Variants in TRIM44 observed in about 807,000 individuals in gnomAD.
TRIM44 encodes the protein tripartite motif containing 44.
In TRIM44, 13 loss-of-function variants were observed where a neutral mutation model predicts 37.4. The ratio of observed to expected loss-of-function variants is 0.35; its 90% CI spans 0.23 to 0.55. The LOEUF (loss-of-function observed/expected upper bound fraction) is 0.55, where lower values mean the gene tolerates loss of function less well. Among genes scored for constraint, TRIM44 ranks in the 20% least tolerant of loss-of-function variants. The pLI, the probability that TRIM44 is intolerant of heterozygous loss-of-function variation, is 0.89. For missense variants in TRIM44, 426 were observed against 437.2 expected, an observed-to-expected ratio of 0.97 and a Z score of 0.23; for synonymous variants, 175 against 157.2, an observed-to-expected ratio of 1.11 and a Z score of -0.85.
intron 4 of TRIM44, among the ~76,000 whole-genome samples, chr11:35,764,868 T>C (rs1406282545): frequency 2.0e-5 from 3 of 152,146 alleles, no homozygotes; most frequent in Non-Finnish European, 4.4e-5. Context: ...GACTTCTCAG[T>C]ATTAAATTTA....
intron 2 of TRIM44, among the ~76,000 whole-genome samples, chr11:35,704,625 G>T (rs1590524154): frequency 2.0e-5 from 3 of 152,300 alleles, no homozygotes; most frequent in Non-Finnish European, 1.5e-5. Context: ...TTAAAGAAAA[G>T]AATTTTCAAT....
At position 35,663,286 on chromosome 11, in the gene TRIM44, G is replaced by A; in HGVS notation, c.175G>A (p.Glu59Lys). The A allele has an allele frequency of 1.2e-6, 2 of 1,614,060 alleles. No homozygotes were observed. The highest frequency in any genetic ancestry group is 1.1e-5 in the South Asian group (1 of 91,072). Residue 59 changes from glutamate (E) to lysine (K), a missense_variant, in exon 1 of 5, where the codon GAA becomes AAA. By Grantham distance (56) the Glu-to-Lys change is moderately conservative. This residue lies in a region of TRIM44 where 331 missense variants were observed against 303.0 expected (regional missense o/e 1.09). Coordinates refer to ENST00000299413, the MANE Select transcript of TRIM44 (RefSeq NM_017583.6). Reference protein sequence around the residue: ...RQKFLSHHLAEYVHGSQAWTP... With the variant: ...RQKFLSHHLAKYVHGSQAWTP... The stretch of plus-strand genomic sequence containing the variant: ...GAAGTTCCTCAGTCACCATCTGGCC[G>A]AATACGTCCACGGCTCCCAGGCCTG...
At chr11:35,691,215 C>G (rs186526983) in intron 2 of TRIM44, among the ~76,000 whole-genome samples, 78 of 152,304 alleles carry the variant, frequency 5.1e-4, no homozygotes, top group Non-Finnish European at 8.5e-4. Flanking sequence ...GTGAAGGACA[C>G]TAAATGGGAA....
intron 1 of TRIM44, among the ~76,000 whole-genome samples, chr11:35,677,452 C>T (rs1245889477): frequency 6.6e-6 from 1 of 151,630 alleles, no homozygotes; most frequent in East Asian, 1.9e-4. Flanking sequence ...TTCTCTAGGT[C>T]AATACCTGAT....
intron 4 of TRIM44, among the ~76,000 whole-genome samples, chr11:35,792,371 T>G (rs2938188): frequency 0.29 from 44,619 of 152,108 alleles, 6,957 homozygotes; most frequent in Admixed American, 0.41. Flanking sequence ...GCCTAGATGT[T>G]AAATAGCTTT....
intron 4 of TRIM44, among the ~76,000 whole-genome samples, chr11:35,752,759 C>A (rs1036067028): frequency 6.6e-6 from 1 of 152,182 alleles, no homozygotes; most frequent in African/African-American, 2.4e-5. Flanking sequence ...TCATGTTCCC[C>A]TCTGCAGGAA....
rs569952939 is a variant in TRIM44, at chr11:35,718,711, C to G, written c.748-7213C>G. On this transcript the variant is annotated intron_variant, in intron 2 of 4. Coordinates refer to ENST00000299413, the MANE Select transcript of TRIM44 (RefSeq NM_017583.6). ...CACTGCCCTAAAAATCCTCTGTGCT[C>G]TGCCTTTTTATTTTCCCTTCCTCCA... Among the ~76,000 whole-genome samples, 28 of 152,180 alleles carry G rather than the reference C, an allele frequency of 1.8e-4. No individual in the cohort carries two copies. In the South Asian group the frequency reaches 4.1e-3, roughly 23 times the overall value.
At chr11:35,769,490 G>A (rs1852839124) in intron 4 of TRIM44, among the ~76,000 whole-genome samples, 1 of 152,148 alleles carries the variant, frequency 6.6e-6, no homozygotes, top group South Asian at 2.1e-4. Flanking sequence ...CCAGCATTCT[G>A]ATGTGCATGT....
At chr11:35,738,974 G>A (rs1274370053) in intron 4 of TRIM44, among the ~76,000 whole-genome samples, 3 of 152,192 alleles carry the variant, frequency 2.0e-5, no homozygotes, top group Non-Finnish European at 4.4e-5. Flanking sequence ...CCTGTCCTAT[G>A]GAAACATATT....
chr11:35,750,540 T>A (rs1447899588), intron 4 of TRIM44, among the ~76,000 whole-genome samples: 3 of 152,220 alleles, frequency 2.0e-5, no homozygotes, highest in Admixed American at 6.5e-5. Flanking sequence ...AGCCTTGTGA[T>A]AATGAAATAT....
chr11:35,665,546 T>C (rs929590447), intron 1 of TRIM44, among the ~76,000 whole-genome samples: 3 of 151,836 alleles, frequency 2.0e-5, no homozygotes, highest in African/African-American at 7.3e-5. Flanking sequence ...CATTTTTCTA[T>C]TGAGTTGTCT....
At position 35,671,360 on chromosome 11, in the gene TRIM44, T is replaced by C. The variant is rs141683672; in HGVS notation, c.669+7580T>C. Among the ~76,000 whole-genome samples the C allele has an allele frequency of 1.8e-4, 27 of 152,332 alleles. No individual in the cohort carries two copies. In the East Asian group the frequency reaches 5.2e-3, roughly 29 times the overall value. ...TGCATTTCTAAAATGGGCATAATGA[T>C]AAGAAATAAAATAGAACTTTTGTGA... On this transcript the variant is annotated intron_variant, in intron 1 of 4. Transcript: ENST00000299413.
intron 4 of TRIM44, among the ~76,000 whole-genome samples, chr11:35,767,778 T>G (rs559129782): frequency 6.6e-6 from 1 of 152,318 alleles, no homozygotes; most frequent in South Asian, 2.1e-4. Context: ...TTAACCTCTG[T>G]GAACTTTTCA....
chr11:35,767,154 G>A (rs1852808589), intron 4 of TRIM44, among the ~76,000 whole-genome samples: 1 of 152,166 alleles, frequency 6.6e-6, no homozygotes, highest in African/African-American at 2.4e-5. Flanking sequence ...CAATGTGTGT[G>A]TGTCAGTATG....
intron 4 of TRIM44, among the ~76,000 whole-genome samples, chr11:35,797,188 A>G (rs1853304288): frequency 1.3e-5 from 2 of 152,232 alleles, no homozygotes; most frequent in South Asian, 4.1e-4. Flanking sequence ...AATGGAACAT[A>G]GGACCCAACT....
At chr11:35,725,058 G>T (rs1038284303) in intron 2 of TRIM44, among the ~76,000 whole-genome samples, 3 of 107,304 alleles carry the variant, frequency 2.8e-5, no homozygotes, top group African/African-American at 4.8e-5. Context: ...TAGGAGACAT[G>T]CACACACTCA....
intron 2 of TRIM44, among the ~76,000 whole-genome samples, chr11:35,709,803 C>T (rs1008054026): frequency 6.6e-6 from 1 of 152,220 alleles, no homozygotes; most frequent in Non-Finnish European, 1.5e-5. Context: ...TCAGACCCCA[C>T]TTCTGACACC....
chr11:35,674,543 TTTAG>T (rs1051672946), intron 1 of TRIM44, among the ~76,000 whole-genome samples: 11 of 152,280 alleles, frequency 7.2e-5, no homozygotes, highest in African/African-American at 2.2e-4. Context: ...TTCAGATGGG[TTTAG>T]TTAGTTTTTG....
chr11:35,800,722 A>G (rs998732506), intron 4 of TRIM44, among the ~76,000 whole-genome samples: 8 of 152,162 alleles, frequency 5.3e-5, no homozygotes, highest in Non-Finnish European at 1.0e-4. Context: ...TGGTGATGGG[A>G]TAGAGAGGGG....
Sources: gnomAD v4.1 joint callset for allele counts (sites outside exome capture counted in the v4.1 genomes callset) on GRCh38, gnomAD v4.1.1 for gene constraint, gnomAD v4.1.1 regional missense constraint, MANE v1.5 for transcripts, NCBI Gene and HGNC (gene_info 2026-07-23, HGNC 2026-07-21) for gene names.